The following IQSEC1 variants were observed in gnomAD, a reference collection of about 807,000 sequenced individuals.
The protein encoded by IQSEC1 is IQ motif and SEC7 domain-containing protein 1.
Under a neutral mutation model 91.0 loss-of-function variants are expected in IQSEC1, and 31 were observed. That is an observed-to-expected ratio of 0.34 (90% CI 0.26 to 0.46). The LOEUF (loss-of-function observed/expected upper bound fraction) is 0.46, where lower values mean the gene tolerates loss of function less well. IQSEC1 is among the 20% of genes least tolerant of loss of function. The pLI is 1.00. For synonymous variants in IQSEC1, 699 were observed against 662.6 expected, an observed-to-expected ratio of 1.05 and a Z score of -0.84; for missense variants, 1,388 against 1,575.6, an observed-to-expected ratio of 0.88 and a Z score of 2.02.
At chr3:13,035,089 T>G (rs1286779824) in intron 1 of IQSEC1, among the ~76,000 whole-genome samples, 1 of 152,184 alleles carries the variant, frequency 6.6e-6, no homozygotes, top group Non-Finnish European at 1.5e-5. Context: ...AGTGAAACTC[T>G]CCTGAGACTT....
intron 1 of IQSEC1, among the ~76,000 whole-genome samples, chr3:13,255,413 A>G (rs1463708903): frequency 1.3e-5 from 2 of 152,218 alleles, no homozygotes; most frequent in Non-Finnish European, 2.9e-5. Flanking sequence ...CGCAGGGCCT[A>G]TGCTTGTATT....
intron 1 of IQSEC1, among the ~76,000 whole-genome samples, chr3:13,016,706 G>T (rs1432499961): frequency 2.6e-5 from 4 of 152,154 alleles, no homozygotes; most frequent in Non-Finnish European, 5.9e-5. Flanking sequence ...TCAACGCAAG[G>T]CCACCACTGC....
intron 2 of IQSEC1, among the ~76,000 whole-genome samples, chr3:13,144,433 T>C (rs1706854294): frequency 6.6e-6 from 1 of 152,120 alleles, no homozygotes; most frequent in African/African-American, 2.4e-5. Context: ...TTCCAGGACA[T>C]TTGTTCTTGT....
intron 4 of IQSEC1, among the ~76,000 whole-genome samples, chr3:12,923,273 G>C (rs768717015): frequency 3.3e-4 from 50 of 151,658 alleles, no homozygotes; most frequent in Non-Finnish European, 6.6e-4. Context: ...ACCAGGGACC[G>C]GCTTGGAGTG....
rs1001616987 is a variant in IQSEC1 at position 13,008,021 on chromosome 3, G to A, written c.23+64971C>T. 2.0e-5 allele frequency among the ~76,000 whole-genome samples: 3 copies of A among 152,208 alleles called. No homozygotes were observed. The highest frequency in any genetic ancestry group is 7.2e-5 in the African/African-American group (3 of 41,448). On this transcript the variant is annotated intron_variant, in intron 1 of 13. Transcript: ENST00000613206. The surrounding 1 kb of genome is among the most constrained non-coding windows in gnomAD (Gnocchi z 4.1). ...AGCCTGCACTCCTCTAGGAAGCCAG[G>A]TGAGAGAGCAGAGGAACTACCCTTC... is the stretch of plus-strand genomic sequence containing the variant.
intron 1 of IQSEC1, among the ~76,000 whole-genome samples, chr3:13,024,528 T>C (rs937245281): frequency 6.7e-6 from 1 of 148,156 alleles, no homozygotes; most frequent in Non-Finnish European, 1.5e-5. Flanking sequence ...GTTGTCTGCA[T>C]ATCATTGTAA....
In IQSEC1 at chr3:12,902,691, A is replaced by AAC. The variant is rs1559598771; in HGVS notation, c.2805+81_2805+82insGT. On this transcript the variant is annotated intron_variant, in intron 13 of 13. Coordinates refer to ENST00000613206, the MANE Select transcript of IQSEC1 (RefSeq NM_001134382.3). ...AAACCAAAAAAAAAAAAAAAAAAAAAAAACCAGGACAACAGATATGAACTG... is the reference window on the plus strand; with the variant it reads ...AAACCAAAAAAAAAAAAAAAAAAAAAACAAACCAGGACAACAGATATGAACTG... The AAC allele has an allele frequency of 6.1e-5, 44 of 720,610 alleles. No homozygotes were observed. In the African/African-American group the frequency reaches 7.6e-4, roughly 12 times the overall value. The allele number at this position is 720,610 out of a possible 1,614,324, so 44.6% of individuals were successfully genotyped here. A position where few individuals can be genotyped will look rare whatever the true frequency, so the allele number is the denominator to read the frequency against.
chr3:13,202,653 C>T (rs1694265036), intron 1 of IQSEC1, among the ~76,000 whole-genome samples: 2 of 152,176 alleles, frequency 1.3e-5, no homozygotes, highest in South Asian at 4.1e-4. Context: ...GTCAGTGTTT[C>T]ATGGGGACAG....
chr3:12,978,926 G>A (rs1306815598), intron 1 of IQSEC1, among the ~76,000 whole-genome samples: 1 of 152,154 alleles, frequency 6.6e-6, no homozygotes, highest in African/African-American at 2.4e-5. Context: ...AGGCATTGCA[G>A]GTACATGAAG....
intron 1 of IQSEC1, among the ~76,000 whole-genome samples, chr3:12,990,351 C>T (rs1288332511): frequency 2.0e-5 from 3 of 152,228 alleles, no homozygotes; most frequent in Non-Finnish European, 4.4e-5. Context: ...GGATTCAGCT[C>T]AGTCTCAGTC....
In IQSEC1 at chr3:12,899,550, A is replaced by G. The variant is rs1694010383; in HGVS notation, c.*1433T>C. 1 of 1,506,336 alleles carries G rather than the reference A, an allele frequency of 6.6e-7. No homozygotes were observed. The highest frequency in any genetic ancestry group is 1.4e-5 in the African/African-American group (1 of 71,636). The allele number at this position is 1,506,336 out of a possible 1,614,324, so 93.3% of individuals were successfully genotyped here. A position where few individuals can be genotyped will look rare whatever the true frequency, so the allele number is the denominator to read the frequency against. Reference sequence around the variant, plus strand: ...AGCGACAAGAGCACAGCTGAGAGTCATGTGATGCCCTGGCAGCTCACTGGA... The same window carrying G: ...AGCGACAAGAGCACAGCTGAGAGTCGTGTGATGCCCTGGCAGCTCACTGGA... On this transcript the variant is annotated 3_prime_UTR_variant, in exon 14 of 14. Coordinates refer to ENST00000613206, the MANE Select transcript of IQSEC1 (RefSeq NM_001134382.3).
In IQSEC1 at chr3:12,908,213, T is replaced by C; in HGVS notation, c.2755+136A>G. 1.2e-6 allele frequency: 1 copy of C among 857,646 alleles called. No homozygotes were observed. The highest frequency in any genetic ancestry group is 1.8e-6 in the Non-Finnish European group (1 of 564,346). The allele number at this position is 857,646 out of a possible 1,614,324, so 53.1% of individuals were successfully genotyped here. A position where few individuals can be genotyped will look rare whatever the true frequency, so the allele number is the denominator to read the frequency against. ...CTGTATGTCACACGCTGCTCTGCTT[T>C]GCGGAAGGTCAGGGGAAATGCCGCA... On this transcript the variant is annotated intron_variant, in intron 12 of 13. Transcript: ENST00000613206. The surrounding 1 kb of genome is among the most constrained non-coding windows in gnomAD (Gnocchi z 4.9).
At chr3:12,982,851 T>A (rs1370090300) in intron 1 of IQSEC1, among the ~76,000 whole-genome samples, 1 of 152,260 alleles carries the variant, frequency 6.6e-6, no homozygotes, top group Non-Finnish European at 1.5e-5. Context: ...GTGCCTGCCA[T>A]GCACCAGGCA....
At chr3:12,911,445 A>T (rs1695545537) in intron 10 of IQSEC1, among the ~76,000 whole-genome samples, 184 bp downstream of exon 10, 1 of 152,228 alleles carries the variant, frequency 6.6e-6, no homozygotes, top group African/African-American at 2.4e-5. Context: ...GGCTCAGCTG[A>T]CTGATGGGCC....
At chr3:12,901,649 G>A in intron 13 of IQSEC1, 127 bp from the exon 14 acceptor site, 2 of 805,528 alleles carry the variant, frequency 2.5e-6, no homozygotes, top group East Asian at 2.7e-5. Context: ...TCACTGGCCA[G>A]AGGGTGGGGC....
rs1437370130 is a variant in IQSEC1, at chr3:13,103,204, C to T, written c.303-55682G>A. Among the ~76,000 whole-genome samples, 1 of 152,134 alleles carries T rather than the reference C, an allele frequency of 6.6e-6. No individual in the cohort carries two copies. The highest frequency in any genetic ancestry group is 1.5e-5 in the Non-Finnish European group (1 of 68,030). On this transcript the variant is annotated intron_variant, in intron 2 of 15. Transcript: ENST00000648114. The surrounding 1 kb of genome is among the most constrained non-coding windows in gnomAD (Gnocchi z 4.1). Reference sequence around the variant, plus strand: ...GAAGGGGCCTGCATCGAACTCTCGCCACCTCCCTAAGCCAGAGCTGTCTGC... The same window carrying T: ...GAAGGGGCCTGCATCGAACTCTCGCTACCTCCCTAAGCCAGAGCTGTCTGC...
intron 1 of IQSEC1, among the ~76,000 whole-genome samples, chr3:13,198,051 G>A (rs567160278): frequency 6.6e-6 from 1 of 152,312 alleles, no homozygotes; most frequent in African/African-American, 2.4e-5. Context: ...TGGGCACGCA[G>A]GGTCTGAAAG....
chr3:13,170,881 C>A (rs1693594174), intron 1 of IQSEC1, among the ~76,000 whole-genome samples: 1 of 151,968 alleles, frequency 6.6e-6, no homozygotes, highest in Non-Finnish European at 1.5e-5. Context: ...GGGTGGATCA[C>A]GAGGTCAAGA....
chr3:13,081,226 TG>T (rs1705642832), intron 2 of IQSEC1, among the ~76,000 whole-genome samples: 1 of 152,230 alleles, frequency 6.6e-6, no homozygotes. Context: ...CATCTCTGGG[TG>T]GCAGAATAAC....
Sources: allele counts gnomAD v4.1 joint callset (sites outside exome capture counted in the v4.1 genomes callset), GRCh38; gene constraint gnomAD v4.1.1; non-coding constraint Gnocchi (gnomAD v3.1); transcripts MANE v1.5; gene names NCBI Gene and HGNC (gene_info 2026-07-23, HGNC 2026-07-21).